Variants in CEP170 observed in about 807,000 individuals in gnomAD.
CEP170 encodes centrosomal protein 170, also known as centrosomal protein of 170 kDa.
In CEP170, 21 loss-of-function variants were observed where a neutral mutation model predicts 151.9. The ratio of observed to expected loss-of-function variants is 0.14; its 90% CI spans 0.10 to 0.20. CEP170 has a LOEUF of 0.20. CEP170 is among the 10% of genes least tolerant of loss of function. CEP170 has a pLI of 1.00. For synonymous variants in CEP170, 356 were observed against 648.8 expected, an observed-to-expected ratio of 0.55 and a Z score of 6.86; for missense variants, 964 against 1,892.9, an observed-to-expected ratio of 0.51 and a Z score of 9.11.
At chr1:243,163,675 T>A (rs2058238870) in intron 13 of CEP170, among the ~76,000 whole-genome samples, 1 of 152,232 alleles carries the variant, frequency 6.6e-6, no homozygotes, top group Non-Finnish European at 1.5e-5. Context: ...TGAATCCATC[T>A]TCTTCCACTG....
At chr1:243,204,019 A>T (rs1387329285) in intron 4 of CEP170, among the ~76,000 whole-genome samples, 1 of 152,164 alleles carries the variant, frequency 6.6e-6, no homozygotes, top group Non-Finnish European at 1.5e-5. Flanking sequence ...TTAAAAACAT[A>T]GTTTTCAAAC....
intron 3 of CEP170, among the ~76,000 whole-genome samples, chr1:243,218,618 T>C (rs2062523986): frequency 6.6e-6 from 1 of 152,152 alleles, no homozygotes; most frequent in African/African-American, 2.4e-5. Flanking sequence ...TAAGTTGAAT[T>C]TAGTTGGTAA....
At chr1:243,158,971 A>G (rs1286501835) in intron 13 of CEP170, among the ~76,000 whole-genome samples, 4 of 152,148 alleles carry the variant, frequency 2.6e-5, no homozygotes, top group Non-Finnish European at 4.4e-5. Context: ...GGAGGCTAAG[A>G]GAGGAGAATT....
intron 10 of CEP170, among the ~76,000 whole-genome samples, chr1:243,177,658 G>T (rs2059341801): frequency 6.6e-6 from 1 of 152,136 alleles, no homozygotes; most frequent in Non-Finnish European, 1.5e-5. Flanking sequence ...CTAGTGTCAA[G>T]GAACTAAATC....
intron 14 of CEP170, among the ~76,000 whole-genome samples, 197 bp downstream of exon 14, chr1:243,156,024 G>C (rs1338962768): frequency 6.6e-6 from 1 of 151,960 alleles, no homozygotes; most frequent in Non-Finnish European, 1.5e-5. Flanking sequence ...TCTACAATAT[G>C]TTAGTGGTAT....
At chr1:243,201,671 A>G (rs1445121537) in intron 4 of CEP170, among the ~76,000 whole-genome samples, 3 of 152,164 alleles carry the variant, frequency 2.0e-5, no homozygotes, top group Non-Finnish European at 4.4e-5. Flanking sequence ...CTTCCCAAGC[A>G]TAAGGGAAGT....
In CEP170 at chr1:243,191,099, G is replaced by A. The variant is rs368588038; in HGVS notation, c.1027C>T (p.Pro343Ser). The A allele has an allele frequency of 3.7e-6, 6 of 1,613,272 alleles. No homozygotes were observed. Among genetic ancestry groups the A allele is most frequent in the Non-Finnish European group, 5.1e-6 (6 of 1,179,482 alleles). ...TCTGTTCTTTCCCATAGCATTTGAGGAGGGTTGTTTTGTGCTAGCCAGTCA... is the reference window on the plus strand; with the variant it reads ...TCTGTTCTTTCCCATAGCATTTGAGAAGGGTTGTTTTGTGCTAGCCAGTCA... The part of the protein sequence containing the change: ...VADWLAQNNP[P>S]QMLWERTEED... Residue 343 changes from proline (P) to serine (S), a missense_variant, in exon 8 of 20, where the codon CCT becomes TCT. Pro to Ser is a moderately conservative substitution (Grantham distance 74, BLOSUM62 -1). Transcript: ENST00000366542.
At chr1:243,239,305 T>G (rs191464481) in intron 1 of CEP170, among the ~76,000 whole-genome samples, 1 of 152,328 alleles carries the variant, frequency 6.6e-6, no homozygotes, top group East Asian at 1.9e-4. Context: ...GGTAAGTCAT[T>G]ATGTCCCTTT....
intron 1 of CEP170, among the ~76,000 whole-genome samples, chr1:243,231,741 A>G (rs2063780098): frequency 6.6e-6 from 1 of 152,202 alleles, no homozygotes; most frequent in Non-Finnish European, 1.5e-5. Flanking sequence ...AAAAAGTTCA[A>G]TTTTTAAAAA....
chr1:243,140,209 C>G, intron 15 of CEP170, 102 bp from the exon 16 acceptor site: 2 of 1,471,266 alleles, frequency 1.4e-6, no homozygotes. Flanking sequence ...ATTCCATTCT[C>G]AAGTAGTAAC....
At chr1:243,254,084 C>A (rs1049790833) in intron 1 of CEP170, among the ~76,000 whole-genome samples, 3 of 151,994 alleles carry the variant, frequency 2.0e-5, no homozygotes, top group African/African-American at 7.3e-5. Context: ...GTTGTCAGGC[C>A]CTCTCTAGCC....
chr1:243,140,203 C>A, intron 15 of CEP170, 96 bp from the exon 16 acceptor site: 2 of 1,498,974 alleles, frequency 1.3e-6, no homozygotes, highest in South Asian at 1.4e-5. Flanking sequence ...GAAGTTATTC[C>A]ATTCTCAAGT....
At chr1:243,200,105 G>C (rs2060926411) in intron 6 of CEP170, among the ~76,000 whole-genome samples, 2 of 151,754 alleles carry the variant, frequency 1.3e-5, no homozygotes, top group South Asian at 4.2e-4. Flanking sequence ...ATGAAGTGAG[G>C]TGTATGCATT....
rs1572353459 is a variant in CEP170, at chr1:243,213,623, A to C, written c.196-1659T>G. ...GAGAAAGAATGTGTCCATGAAAAAA[A>C]AAGAAATTTTCATCTAGTTAGTCAT... is the stretch of plus-strand genomic sequence containing the variant. On this transcript the variant is annotated intron_variant, in intron 3 of 19. Coordinates refer to ENST00000366542, the MANE Select transcript of CEP170 (RefSeq NM_014812.3). Among the ~76,000 whole-genome samples, 5 of 152,334 alleles carry C rather than the reference A, an allele frequency of 3.3e-5. No individual in the cohort carries two copies. The East Asian group carries it at 9.6e-4, about 29-fold the overall frequency.
rs530820312 is a variant in CEP170, at chr1:243,251,957, A to C, written c.-42+3083T>G. Among the ~76,000 whole-genome samples the C allele has an allele frequency of 7.2e-5, 11 of 152,302 alleles. No individual in the cohort carries two copies. The South Asian group carries it at 2.3e-3, about 32-fold the overall frequency. On this transcript the variant is annotated intron_variant, in intron 1 of 19. Coordinates refer to ENST00000366542, the MANE Select transcript of CEP170 (RefSeq NM_014812.3). ...CCAGTTTAATCAACCACACTACCAG[A>C]CAGATGTTTTTTATCTCTCACAATG... is the stretch of plus-strand genomic sequence containing the variant.
intron 3 of CEP170, among the ~76,000 whole-genome samples, chr1:243,215,444 C>A (rs991728538): frequency 6.6e-6 from 1 of 152,104 alleles, no homozygotes; most frequent in Non-Finnish European, 1.5e-5. Flanking sequence ...AAAGAGAATG[C>A]GTTCCTAGTG....
chr1:243,230,552 C>T (rs2063653090), intron 1 of CEP170, among the ~76,000 whole-genome samples: 1 of 151,946 alleles, frequency 6.6e-6, no homozygotes, highest in African/African-American at 2.4e-5. Context: ...AGTAGGAAGA[C>T]AGAAATTATG....
At chr1:243,131,626 A>C (rs187409723) in intron 17 of CEP170, among the ~76,000 whole-genome samples, 32 of 152,172 alleles carry the variant, frequency 2.1e-4, no homozygotes, top group African/African-American at 7.7e-4. Context: ...TTAATATTTA[A>C]ATACTAGAGA....
chr1:243,234,944 T>C (rs1489481085), intron 1 of CEP170, among the ~76,000 whole-genome samples: 2 of 152,300 alleles, frequency 1.3e-5, no homozygotes, highest in Middle Eastern at 3.4e-3. Flanking sequence ...GGTGTGTATA[T>C]AGACATAATT....
Sources: gnomAD v4.1 joint callset for allele counts (sites outside exome capture counted in the v4.1 genomes callset) on GRCh38, gnomAD v4.1.1 for gene constraint, MANE v1.5 for transcripts, NCBI Gene and HGNC (gene_info 2026-07-23, HGNC 2026-07-21) for gene names.